Variants in LHX3 observed in about 807,000 individuals in gnomAD.
LHX3 encodes the protein LIM homeobox 3.
In LHX3, 21 loss-of-function variants were observed where a neutral mutation model predicts 32.4. The ratio of observed to expected loss-of-function variants is 0.65; its 90% CI spans 0.46 to 0.93. The LOEUF is 0.93. Ranked by LOEUF, LHX3 falls within the 40% of genes least tolerant of loss-of-function variation. The pLI, the probability that LHX3 is intolerant of heterozygous loss-of-function variation, is 0.00. For synonymous variants in LHX3, 258 were observed against 246.8 expected, an observed-to-expected ratio of 1.05 and a Z score of -0.43; for missense variants, 626 against 560.0, an observed-to-expected ratio of 1.12 and a Z score of -1.19.
chr9:136,197,296 G>A lies in LHX3; in HGVS notation c.*29C>T, dbSNP rs1831512752. 6.2e-7 allele frequency: 1 copy of A among 1,609,936 alleles called. No individual in the cohort carries two copies. The highest frequency in any genetic ancestry group is 1.3e-5 in the African/African-American group (1 of 74,868). On this transcript the variant is annotated 3_prime_UTR_variant, in exon 6 of 6. Transcript: ENST00000371748. ...GCCCACCCAGGGGCAGCTCCCTCGT[G>A]TGAGGTGCAGGGTGGAGCCGGGCCT... is the stretch of plus-strand genomic sequence containing the variant.
rs758634719 is a variant in LHX3, at chr9:136,199,851, T to A, written c.281A>T (p.Gln94Leu). ...CACCTGCGTGGGCGGGATGCCCAGC[T>A]GGCACGCGGCGCACTTGGTCCCGAA... Reference protein sequence around the residue: ...KRFGTKCAACQLGIPPTQVVR... With the variant: ...KRFGTKCAACLLGIPPTQVVR... Residue 94 changes from glutamine (Q) to leucine (L), a missense_variant, in exon 3 of 6, where the codon CAG becomes CTG. By Grantham distance (113) the Gln-to-Leu change is moderately radical. Coordinates refer to ENST00000371748, the MANE Select transcript of LHX3 (RefSeq NM_178138.6). 4.7e-5 allele frequency: 75 copies of A among 1,603,942 alleles called. No homozygotes were observed. The highest frequency in any genetic ancestry group is 6.1e-5 in the Non-Finnish European group (72 of 1,175,654).
chr9:136,198,624 C>T, intron 5 of LHX3, 28 bp downstream of exon 5: 1 of 1,558,414 alleles, frequency 6.4e-7, no homozygotes, highest in Non-Finnish European at 8.7e-7. Flanking sequence ...GCTCGTCCCC[C>T]CCCGAGCTCC....
chr9:136,205,106 G>T lies in LHX3; in HGVS notation c.-94C>A. On this transcript the variant is annotated 5_prime_UTR_variant, in exon 1 of 6. Coordinates refer to ENST00000371748, the MANE Select transcript of LHX3 (RefSeq NM_178138.6). ...CTCCCAAGTCCCGCCGCGTCGTGCG[G>T]GGCAGGGAGCCCGGGAGCCACTGGG... 9.1e-7 allele frequency: 1 copy of T among 1,095,564 alleles called. No individual in the cohort carries two copies. Among genetic ancestry groups the T allele is most frequent in the South Asian group, 1.6e-5 (1 of 63,194 alleles). The allele number at this position is 1,095,564 out of a possible 1,614,324, so 67.9% of individuals were successfully genotyped here.
Position 136,202,418 on chromosome 9 carries a change from A to G in LHX3, c.80-1665T>C, listed in dbSNP as rs540545636. ...GCCACCAGGAAGCTGGGGGGCCTGG[A>G]GAAGAGAGGCTTTTTCCTACAGACG... On this transcript the variant is annotated intron_variant, in intron 1 of 5. Coordinates refer to ENST00000371748, the MANE Select transcript of LHX3 (RefSeq NM_178138.6). Among the ~76,000 whole-genome samples, 462 of 152,162 alleles carry G rather than the reference A, an allele frequency of 3.0e-3. 2 individuals are homozygous for G. The highest frequency in any genetic ancestry group is 3.5e-3 in the Non-Finnish European group (239 of 67,976).
At chr9:136,198,575 C>T in intron 5 of LHX3, 77 bp downstream of exon 5, 2 of 1,466,506 alleles carry the variant, frequency 1.4e-6, no homozygotes, top group Non-Finnish European at 1.8e-6. Flanking sequence ...AATTCAGATC[C>T]GCGGGCTCCC....
Position 136,200,317 on chromosome 9 carries a change from C to G in LHX3, c.251+265G>C, listed in dbSNP as rs1831609572. ...GGTGTATCTTCTCTAATGACTGCTT[C>G]TGTGATTTAGGTAATAAATTGCTTT... is the stretch of plus-strand genomic sequence containing the variant. On this transcript the variant is annotated intron_variant, in intron 2 of 5. Coordinates refer to ENST00000371748, the MANE Select transcript of LHX3 (RefSeq NM_178138.6). 4 of 570,126 alleles carry G rather than the reference C, an allele frequency of 7.0e-6. No homozygotes were observed. In the East Asian group the frequency reaches 1.2e-4, roughly 17 times the overall value. 35.3% of individuals were successfully genotyped at this position (570,126 alleles called of 1,614,324 possible).
chr9:136,204,014 C>T (rs1385757392), intron 1 of LHX3, among the ~76,000 whole-genome samples: 1 of 152,234 alleles, frequency 6.6e-6, no homozygotes, highest in Non-Finnish European at 1.5e-5. Context: ...CAGCACAGGA[C>T]TTGGCAAAGG....
rs1588624421 is a variant in LHX3 at position 136,197,815 on chromosome 9, C to T, written c.776-72G>A. The T allele has an allele frequency of 3.3e-6, 5 of 1,530,404 alleles. No homozygotes were observed. The East Asian group carries it at 6.9e-5, about 21-fold the overall frequency. The allele number at this position is 1,530,404 out of a possible 1,614,324, so 94.8% of individuals were successfully genotyped here. ...GCCCCTCAGAGTCCCATCCTGCAGG[C>T]GGAGGCACCCCTGGGTCGGAGAAAG... On this transcript the variant is annotated intron_variant, in intron 5 of 5. Transcript: ENST00000371748.
intron 1 of LHX3, among the ~76,000 whole-genome samples, chr9:136,204,349 G>A (rs1033058428): frequency 6.6e-6 from 1 of 152,264 alleles, no homozygotes; most frequent in Non-Finnish European, 1.5e-5. Context: ...AAAGCCGAGT[G>A]TGTGCGGGCT....
rs1564280949 is a variant in LHX3, at chr9:136,197,362, G to T, written c.1157C>A (p.Ala386Asp). ...GTGGTCTACCTCATCCAGCCAGGAG[G>T]CGGGGCTGGCAGGGAAGTCGGGGTA... is the stretch of plus-strand genomic sequence containing the variant. ...GGYPDFPASP[A>D]SWLDEVDHAQ... Residue 386 changes from alanine (A) to aspartate (D), a missense_variant, in exon 6 of 6, where the codon GCC becomes GAC. Ala to Asp is a moderately radical substitution (Grantham distance 126). Coordinates refer to ENST00000371748, the MANE Select transcript of LHX3 (RefSeq NM_178138.6). 1.2e-6 allele frequency: 2 copies of T among 1,612,082 alleles called. No homozygotes were observed. Among genetic ancestry groups the T allele is most frequent in the African/African-American group, 2.7e-5 (2 of 74,938 alleles).
In LHX3 at chr9:136,198,770, G is replaced by T. The variant is rs754028529; in HGVS notation, c.657C>A (p.Ala219=). ...AATACTGCCCCCAGCGCTGCCGGCC[G>T]GCGTCCTTCTTCAGCCTCTTCTCCT... is the stretch of plus-strand genomic sequence containing the variant. ...RAKEKRLKKD[A]GRQRWGQYFR... is the part of the protein sequence containing the mutation. The change falls in exon 5 of 6, where the codon GCC becomes GCA. Residue 219 remains alanine, a synonymous_variant. Coordinates refer to ENST00000371748, the MANE Select transcript of LHX3 (RefSeq NM_178138.6). 1 of 1,611,118 alleles carries T rather than the reference G, an allele frequency of 6.2e-7. No individual in the cohort carries two copies. Among genetic ancestry groups the T allele is most frequent in the East Asian group, 2.2e-5 (1 of 44,828 alleles).
rs1002844457 is a variant in LHX3 at position 136,197,462 on chromosome 9, C to G, written c.1057G>C (p.Gly353Arg). The change falls in exon 6 of 6, where the codon GGC becomes CGC. Residue 353 changes from glycine to arginine, a missense_variant. Coordinates refer to ENST00000371748, the MANE Select transcript of LHX3 (RefSeq NM_178138.6). ...SLGLVPSGAP[G>R]GPPPMRVLAG... is the part of the protein sequence containing the mutation. ...AGCACCCTCATGGGTGGGGGCCCGC[C>G]GGGGGCTCCCGAGGGCACAAGGCCC... 6.3e-7 allele frequency: 1 copy of G among 1,576,078 alleles called. No individual in the cohort carries two copies. Among genetic ancestry groups the G allele is most frequent in the East Asian group, 2.4e-5 (1 of 42,544 alleles).
At chr9:136,204,402 A>G (rs1831710780) in intron 1 of LHX3, among the ~76,000 whole-genome samples, 1 of 152,172 alleles carries the variant, frequency 6.6e-6, no homozygotes, top group Admixed American at 6.5e-5. Context: ...TGCCGAAGCG[A>G]TCAGGGGTCG....
In LHX3 at chr9:136,202,927, A is replaced by G. The variant is rs2274115; in HGVS notation, c.79+2007T>C. 1,070,509 of 1,530,548 alleles carry G rather than the reference A, an allele frequency of 0.7. 376,744 individuals are homozygous for G. Among genetic ancestry groups the G allele is most frequent in the African/African-American group, 0.78 (56,572 of 72,742 alleles). 94.8% of individuals were successfully genotyped at this position (1,530,548 alleles called of 1,614,324 possible). A position where few individuals can be genotyped will look rare whatever the true frequency, so the allele number is the denominator to read the frequency against. On this transcript the variant is annotated intron_variant, in intron 1 of 5. Coordinates refer to ENST00000371748, the MANE Select transcript of LHX3 (RefSeq NM_178138.6). Reference sequence around the variant, plus strand: ...ATCTCCTGGTCTCCCCGGTGCAGCCACTCGGCCCGGGCACCCACCTCGGCG... The same window carrying G: ...ATCTCCTGGTCTCCCCGGTGCAGCCGCTCGGCCCGGGCACCCACCTCGGCG...
rs766286947 is a variant in LHX3 at position 136,198,968 on chromosome 9, C to G, written c.546G>C (p.Pro182=). The G allele has an allele frequency of 6.3e-7, 1 of 1,589,952 alleles. No individual in the cohort carries two copies. Among genetic ancestry groups the G allele is most frequent in the South Asian group, 1.1e-5 (1 of 88,630 alleles). ...LKSAYNTSPK[P]ARHVREQLSS... The stretch of plus-strand genomic sequence containing the variant: ...AGAGCTGCTCGCGCACGTGGCGCGC[C>G]GGCTTGGGCGAGGTGTTGTAAGCGC... The change falls in exon 4 of 6, where the codon CCG becomes CCC. Residue 182 remains proline, a synonymous_variant. Coordinates refer to ENST00000371748, the MANE Select transcript of LHX3 (RefSeq NM_178138.6).
chr9:136,202,201 G>A (rs1182665335), intron 1 of LHX3, among the ~76,000 whole-genome samples: 2 of 148,834 alleles, frequency 1.3e-5, no homozygotes, highest in East Asian at 3.9e-4. Context: ...AGGAACCGTC[G>A]AAAAATAAAT....
chr9:136,197,787 G>C, intron 5 of LHX3, 44 bp from the exon 6 acceptor site: 10 of 1,591,732 alleles, frequency 6.3e-6, no homozygotes, highest in Non-Finnish European at 8.5e-6. Context: ...CCCTCCACCT[G>C]CGGCCCCTCA....
intron 1 of LHX3, chr9:136,202,956 G>C (rs1049359885): frequency 5.9e-6 from 9 of 1,532,190 alleles, no homozygotes; most frequent in Middle Eastern, 2.0e-4. Context: ...CTCGGCGCAG[G>C]TCCGCCCTCC....
chr9:136,199,758 A>T lies in LHX3; in HGVS notation c.374T>A (p.Leu125Gln), dbSNP rs1831592487. 1.1e-5 allele frequency: 18 copies of T among 1,612,748 alleles called. No individual in the cohort carries two copies. Among genetic ancestry groups the T allele is most frequent in the Non-Finnish European group, 1.4e-5 (17 of 1,179,918 alleles). ...GAGGTAGAACTCGTCGCCCGTGGCC[A>T]GCTGCCGCTTGCACACGACGCAGGC... ...CFACVVCKRQ[L>Q]ATGDEFYLME... is the part of the protein sequence containing the mutation. The change falls in exon 3 of 6, where the codon CTG becomes CAG. Residue 125 changes from leucine to glutamine, a missense_variant. Coordinates refer to ENST00000371748, the MANE Select transcript of LHX3 (RefSeq NM_178138.6).
Sources: gnomAD v4.1 joint callset for allele counts (sites outside exome capture counted in the v4.1 genomes callset) on GRCh38, gnomAD v4.1.1 for gene constraint, MANE v1.5 for transcripts, NCBI Gene and HGNC (gene_info 2026-07-23, HGNC 2026-07-21) for gene names.